Variants in MORC1 observed in about 807,000 individuals in gnomAD.
MORC1 encodes MORC family CW-type zinc finger protein 1.
A neutral mutation model predicts 134.9 loss-of-function variants in MORC1; 59 were observed. The ratio of observed to expected loss-of-function variants is 0.44; its 90% CI spans 0.35 to 0.54. MORC1 has a LOEUF of 0.54. Ranked by LOEUF, MORC1 falls within the 20% of genes least tolerant of loss-of-function variation. The pLI, the probability that MORC1 is intolerant of heterozygous loss-of-function variation, is 0.00. For missense variants in MORC1, 947 were observed against 1,134.5 expected (o/e 0.83, Z 2.37); for synonymous variants, 395 against 391.7 (o/e 1.01, Z -0.10).
chr3:109,040,189 G>C lies in MORC1; in HGVS notation c.1331-4721C>G, dbSNP rs1260331407. ...CAACACTGTTAGATTCAAATGTCCAGTTTTCGGCAAAAAAAGAAATCACAA... is the reference window on the plus strand; with the variant it reads ...CAACACTGTTAGATTCAAATGTCCACTTTTCGGCAAAAAAAGAAATCACAA... On this transcript the variant is annotated intron_variant, in intron 14 of 27. Coordinates refer to ENST00000232603, the MANE Select transcript of MORC1 (RefSeq NM_014429.4). 2.6e-5 allele frequency among the ~76,000 whole-genome samples: 4 copies of C among 151,404 alleles called. No homozygotes were observed. The East Asian group carries it at 5.8e-4, about 22-fold the overall frequency.
At chr3:109,003,639 T>G (rs73202723) in intron 20 of MORC1, among the ~76,000 whole-genome samples, 12,627 of 152,242 alleles carry the variant, frequency 0.083, 689 homozygotes, top group Non-Finnish European at 0.13. Context: ...AGTGATAACA[T>G]GCAGGAGTTC....
At chr3:109,055,484 T>C (rs1040617669) in intron 13 of MORC1, among the ~76,000 whole-genome samples, 1 of 152,188 alleles carries the variant, frequency 6.6e-6, no homozygotes, top group Non-Finnish European at 1.5e-5. Flanking sequence ...GCCTCACAAT[T>C]TGGGGTCCCT....
chr3:109,080,302 A>T (rs1950498838), intron 8 of MORC1, among the ~76,000 whole-genome samples: 1 of 152,182 alleles, frequency 6.6e-6, no homozygotes, highest in African/African-American at 2.4e-5. Flanking sequence ...GAGAGAGTTT[A>T]TGCAGGGGAA....
chr3:108,972,032 C>A (rs1453735938), intron 24 of MORC1, among the ~76,000 whole-genome samples: 2 of 152,116 alleles, frequency 1.3e-5, no homozygotes, highest in Non-Finnish European at 2.9e-5. Context: ...CTGAGAAAAA[C>A]CAAAGAGTTT....
chr3:109,029,556 C>T (rs1949185818), intron 16 of MORC1, among the ~76,000 whole-genome samples: 1 of 152,130 alleles, frequency 6.6e-6, no homozygotes, highest in Non-Finnish European at 1.5e-5. Context: ...CATTTTTTCT[C>T]TGCTGGTAAT....
chr3:109,047,591 T>A (rs1949722568), intron 14 of MORC1, among the ~76,000 whole-genome samples: 2 of 152,060 alleles, frequency 1.3e-5, no homozygotes, highest in Non-Finnish European at 2.9e-5. Flanking sequence ...TCCTGAACCA[T>A]CTTTTTATTT....
chr3:109,114,574 C>T, intron 1 of MORC1, 137 bp from the exon 2 acceptor site: 1 of 704,378 alleles, frequency 1.4e-6, no homozygotes, highest in South Asian at 2.1e-5. Flanking sequence ...AAACAACTCT[C>T]TCAGCACGGT....
At chr3:109,022,323 A>G (rs186946407) in intron 17 of MORC1, among the ~76,000 whole-genome samples, 3 of 152,382 alleles carry the variant, frequency 2.0e-5, no homozygotes, top group Admixed American at 6.5e-5. Context: ...ATGCATTCAC[A>G]TTCTTCATAC....
chr3:109,094,146 T>C (rs1447459829), intron 7 of MORC1, among the ~76,000 whole-genome samples: 1 of 152,170 alleles, frequency 6.6e-6, no homozygotes, highest in Non-Finnish European at 1.5e-5. Context: ...CAATAAATCT[T>C]TATTTACAAG....
intron 14 of MORC1, among the ~76,000 whole-genome samples, chr3:109,039,934 A>G (rs772931739): frequency 6.6e-6 from 1 of 152,078 alleles, no homozygotes; most frequent in Non-Finnish European, 1.5e-5. Flanking sequence ...TATGGAAACC[A>G]GACATTGAAG....
chr3:109,042,115 A>AG (rs1481470990), intron 14 of MORC1, among the ~76,000 whole-genome samples: 2 of 152,316 alleles, frequency 1.3e-5, no homozygotes, highest in East Asian at 3.9e-4. Context: ...CCTACTCATT[A>AG]GGATTAGGAT....
chr3:109,005,200 GTCTCT>G lies in MORC1; in HGVS notation c.1878_1882del (p.Glu626AspfsTer4), dbSNP rs759702517. 6.2e-6 allele frequency: 10 copies of G among 1,613,794 alleles called. No homozygotes were observed. Among genetic ancestry groups the G allele is most frequent in the African/African-American group, 4.0e-5 (3 of 74,880 alleles). On this transcript the variant is annotated frameshift_variant, in exon 19 of 28. Coordinates refer to ENST00000232603, the MANE Select transcript of MORC1 (RefSeq NM_014429.4). LOFTEE classifies it high-confidence loss of function. ...TGAAATATACTCTACATCAGAGTCT[GTCTCT>G]TCTATGTTTCTTTTCTGTCCTCTAC...
At chr3:109,111,302 G>A (rs1436503390) in intron 2 of MORC1, among the ~76,000 whole-genome samples, 1 of 152,170 alleles carries the variant, frequency 6.6e-6, no homozygotes, top group African/African-American at 2.4e-5. Context: ...TAAATAAAGT[G>A]TTATTGGAAC....
chr3:108,969,408 G>T lies in MORC1; in HGVS notation c.2604+261C>A, dbSNP rs984520801. Reference sequence around the variant, plus strand: ...ATTCGGTGAAAATATTTCTTTAAAAGCTCAGAATGTCCTGTTTCCTATTCA... The same window carrying T: ...ATTCGGTGAAAATATTTCTTTAAAATCTCAGAATGTCCTGTTTCCTATTCA... On this transcript the variant is annotated intron_variant, in intron 26 of 27. Transcript: ENST00000232603. Among the ~76,000 whole-genome samples, 5 of 152,130 alleles carry T rather than the reference G, an allele frequency of 3.3e-5. No homozygotes were observed. In the East Asian group the frequency reaches 9.6e-4, roughly 29 times the overall value.
chr3:109,057,227 C>T (rs2107674514), intron 13 of MORC1, 116 bp downstream of exon 13: 2 of 1,075,344 alleles, frequency 1.9e-6, no homozygotes, highest in South Asian at 4.4e-5. Flanking sequence ...GAAGGGTGAA[C>T]AGAGACTATG....
intron 17 of MORC1, among the ~76,000 whole-genome samples, chr3:109,015,187 A>C (rs1031831703): frequency 2.0e-4 from 31 of 152,150 alleles, no homozygotes; most frequent in African/African-American, 7.2e-4. Context: ...CCCAGCCCCA[A>C]ATGAAACGTT....
chr3:109,063,592 C>T (rs1395161714), intron 9 of MORC1, among the ~76,000 whole-genome samples: 1 of 152,090 alleles, frequency 6.6e-6, no homozygotes, highest in Non-Finnish European at 1.5e-5. Flanking sequence ...AGATTATGAT[C>T]GACACTGGAT....
intron 21 of MORC1, among the ~76,000 whole-genome samples, chr3:108,989,578 T>C (rs1055663475): frequency 2.6e-5 from 4 of 152,184 alleles, no homozygotes; most frequent in Non-Finnish European, 5.9e-5. Context: ...TTTAATTTCA[T>C]TGCTGTTAAG....
At chr3:109,068,884 A>C (rs56084363) in intron 9 of MORC1, among the ~76,000 whole-genome samples, 3 of 152,102 alleles carry the variant, frequency 2.0e-5, no homozygotes, top group African/African-American at 4.8e-5. Flanking sequence ...GGCCAAGTGC[A>C]GTGGCTCACG....
Sources: allele counts gnomAD v4.1 joint callset (sites outside exome capture counted in the v4.1 genomes callset), GRCh38; gene constraint gnomAD v4.1.1; transcripts MANE v1.5; gene names NCBI Gene and HGNC (gene_info 2026-07-23, HGNC 2026-07-21).